TMCO1: variants seen among roughly 807,000 people sequenced by gnomAD.
TMCO1 encodes calcium load-activated calcium channel.
TMCO1 carries 29 observed loss-of-function variants against 29.3 expected under a neutral mutation model. The ratio of observed to expected loss-of-function variants is 0.99; its 90% CI spans 0.74 to 1.35. The LOEUF (loss-of-function observed/expected upper bound fraction) is 1.35, where lower values mean the gene tolerates loss of function less well. TMCO1 is among the 40% of genes most tolerant of loss of function. The probability of loss-of-function intolerance (pLI) is 0.00; values close to 1 mark genes in which losing one functional copy is unlikely to be tolerated. For synonymous variants in TMCO1, 80 were observed against 77.1 expected (o/e 1.04, Z -0.20); for missense variants, 173 against 225.5 (o/e 0.77, Z 1.49).
At chr1:165,735,311 A>C (rs1391160057) in intron 6 of TMCO1, among the ~76,000 whole-genome samples, 8 of 152,160 alleles carry the variant, frequency 5.3e-5, no homozygotes, top group Non-Finnish European at 8.8e-5. Context: ...AAATCTCATA[A>C]TGGAGGGCAT....
intron 5 of TMCO1, among the ~76,000 whole-genome samples, chr1:165,747,539 A>G (rs1651846149): frequency 6.6e-6 from 1 of 152,240 alleles, no homozygotes; most frequent in African/African-American, 2.4e-5. Flanking sequence ...TTGATTCTAA[A>G]ATTCATTTGA....
At chr1:165,757,197 T>C (rs1652227268) in intron 3 of TMCO1, among the ~76,000 whole-genome samples, 1 of 152,224 alleles carries the variant, frequency 6.6e-6, no homozygotes, top group South Asian at 2.1e-4. Flanking sequence ...AAAAGACAAT[T>C]GTGTAATGTT....
intron 6 of TMCO1, among the ~76,000 whole-genome samples, chr1:165,733,733 A>T (rs1027162690): frequency 1.3e-5 from 2 of 152,252 alleles, no homozygotes; most frequent in East Asian, 1.9e-4. Flanking sequence ...AATGTAAAAC[A>T]ATTATTTTGA....
At chr1:165,765,753 G>T (rs1311296608) in intron 2 of TMCO1, among the ~76,000 whole-genome samples, 1 of 152,226 alleles carries the variant, frequency 6.6e-6, no homozygotes, top group East Asian at 1.9e-4. Flanking sequence ...TATGTGTAAA[G>T]AACAGCAAGC....
intron 5 of TMCO1, among the ~76,000 whole-genome samples, chr1:165,748,483 C>T (rs896452408): frequency 6.6e-6 from 1 of 151,976 alleles, no homozygotes; most frequent in African/African-American, 2.4e-5. Context: ...GGGCTGTTAA[C>T]TGAGAGGAAG....
At chr1:165,760,583 C>T (rs1316139192) in intron 2 of TMCO1, among the ~76,000 whole-genome samples, 1 of 152,112 alleles carries the variant, frequency 6.6e-6, no homozygotes, top group Non-Finnish European at 1.5e-5. Context: ...GTGGGCAGAT[C>T]ATGAGGTCAA....
chr1:165,758,565 A>C (rs528218660), intron 3 of TMCO1, among the ~76,000 whole-genome samples: 1 of 152,014 alleles, frequency 6.6e-6, no homozygotes, highest in East Asian at 1.9e-4. Context: ...TCAAAAAAAA[A>C]CAAAAACAAA....
intron 5 of TMCO1, among the ~76,000 whole-genome samples, chr1:165,747,353 T>C (rs1396268824): frequency 4.0e-5 from 6 of 151,406 alleles, no homozygotes; most frequent in Non-Finnish European, 8.8e-5. Flanking sequence ...TTACTTATAC[T>C]TATTTGGAAA....
At position 165,743,318 on chromosome 1, in the gene TMCO1, G is replaced by T. The variant is rs200248108; in HGVS notation, c.324-7C>A. 8 of 1,346,534 alleles carry T rather than the reference G, an allele frequency of 5.9e-6. No homozygotes were observed. Among genetic ancestry groups the T allele is most frequent in the Admixed American group, 2.1e-5 (1 of 46,598 alleles). 83.4% of individuals were successfully genotyped at this position (1,346,534 alleles called of 1,614,324 possible). ...CACCACTCTACCATCAAATCTAAAA[G>T]AAAAAAAAAAAAAAAGAATTGTTAT... On this transcript the variant is annotated splice_polypyrimidine_tract_variant and splice_region_variant and intron_variant, in intron 5 of 6. Transcript: ENST00000367881.
intron 3 of TMCO1, among the ~76,000 whole-genome samples, chr1:165,756,342 T>C (rs989557124): frequency 2.0e-5 from 3 of 152,154 alleles, no homozygotes; most frequent in East Asian, 3.9e-4. Context: ...TGAAGATCCC[T>C]GTCCAGCTTT....
intron 5 of TMCO1, among the ~76,000 whole-genome samples, chr1:165,745,342 C>A (rs1240513740): frequency 6.7e-6 from 1 of 149,898 alleles, no homozygotes; most frequent in Non-Finnish European, 1.5e-5. Context: ...TTTTAGTATC[C>A]CTTATAGTCT....
chr1:165,759,629 T>G, intron 2 of TMCO1, 45 bp from the exon 3 acceptor site: 1 of 1,511,524 alleles, frequency 6.6e-7, no homozygotes. Flanking sequence ...TGGATTATAC[T>G]AAAGAAACAA....
chr1:165,730,883 A>G (rs1191952472), intron 6 of TMCO1, among the ~76,000 whole-genome samples: 3 of 148,824 alleles, frequency 2.0e-5, no homozygotes, highest in Non-Finnish European at 3.0e-5. Flanking sequence ...GTGAGCCACT[A>G]TGCCCGGCCT....
chr1:165,740,023 A>C (rs1028098822), intron 6 of TMCO1, among the ~76,000 whole-genome samples: 2 of 151,578 alleles, frequency 1.3e-5, no homozygotes, highest in Non-Finnish European at 2.9e-5. Flanking sequence ...GAGGCAGGAG[A>C]ATCACTTGAA....
At chr1:165,733,120 G>C (rs1272801015) in intron 6 of TMCO1, among the ~76,000 whole-genome samples, 1 of 152,110 alleles carries the variant, frequency 6.6e-6, no homozygotes, top group Non-Finnish European at 1.5e-5. Context: ...CTTGCATGTA[G>C]ATAAGAAAAA....
intron 6 of TMCO1, among the ~76,000 whole-genome samples, chr1:165,731,663 T>C (rs1205214405): frequency 6.6e-6 from 1 of 152,264 alleles, no homozygotes; most frequent in African/African-American, 2.4e-5. Flanking sequence ...TTGAATTTCA[T>C]TTACTAACTC....
intron 2 of TMCO1, among the ~76,000 whole-genome samples, chr1:165,763,556 A>C (rs775668980): frequency 6.6e-6 from 1 of 152,214 alleles, no homozygotes; most frequent in Admixed American, 6.5e-5. Flanking sequence ...CTTCAAAGGA[A>C]GCATATGAAG....
Position 165,759,592 on chromosome 1 carries a change from C to T in TMCO1, c.149-8G>A, listed in dbSNP as rs757469238. 1 of 1,611,100 alleles carries T rather than the reference C, an allele frequency of 6.2e-7. No individual in the cohort carries two copies. The highest frequency in any genetic ancestry group is 8.5e-7 in the Non-Finnish European group (1 of 1,177,792). ...TTTCCTTCTTCTTTTCCACTGTAAA[C>T]AACATAGTAACACAGTAAAAATTAA... On this transcript the variant is annotated splice_region_variant and splice_polypyrimidine_tract_variant and intron_variant, in intron 2 of 6. Coordinates refer to ENST00000367881, the MANE Select transcript of TMCO1 (RefSeq NM_019026.6).
intron 5 of TMCO1, among the ~76,000 whole-genome samples, chr1:165,749,439 G>C (rs569306644): frequency 6.6e-6 from 1 of 152,274 alleles, no homozygotes; most frequent in Admixed American, 6.5e-5. Flanking sequence ...TATTGACAAT[G>C]GTTAAAAACT....
Sources: gnomAD v4.1 joint callset for allele counts (sites outside exome capture counted in the v4.1 genomes callset) on GRCh38, gnomAD v4.1.1 for gene constraint, MANE v1.5 for transcripts, NCBI Gene and HGNC (gene_info 2026-07-23, HGNC 2026-07-21) for gene names.